Variants in DMTF1 observed in about 807,000 individuals in gnomAD.
The protein encoded by DMTF1 is cyclin D binding myb like transcription factor 1, also known as cyclin-D-binding Myb-like transcription factor 1.
Under a neutral mutation model 91.1 loss-of-function variants are expected in DMTF1, and 39 were observed. The ratio of observed to expected loss-of-function variants is 0.43; its 90% CI spans 0.33 to 0.56. DMTF1 has a LOEUF of 0.56. Among genes scored for constraint, DMTF1 ranks in the 20% least tolerant of loss-of-function variants. The probability of loss-of-function intolerance (pLI) is 0.05; values close to 1 mark genes in which losing one functional copy is unlikely to be tolerated. For missense variants in DMTF1, 750 were observed against 914.5 expected (o/e 0.82, Z 2.32); for synonymous variants, 338 against 309.5 (o/e 1.09, Z -0.97).
chr7:87,157,092 G>T (rs116064430), intron 1 of DMTF1, among the ~76,000 whole-genome samples: 1,727 of 152,146 alleles, frequency 0.011, 32 homozygotes, highest in African/African-American at 0.039. Context: ...GAACATGAAT[G>T]ATTTTTCTTA....
At chr7:87,167,881 T>G (rs865952086) in intron 4 of DMTF1, among the ~76,000 whole-genome samples, 3 of 152,370 alleles carry the variant, frequency 2.0e-5, no homozygotes, top group African/African-American at 7.2e-5. Flanking sequence ...CTAGAATTTT[T>G]GAGTGGCTAT....
At position 87,188,155 on chromosome 7, in the gene DMTF1, A is replaced by C; in HGVS notation, c.1265A>C (p.Asn422Thr). ...NQKNNPTLLE[N>T]KSGSGVPNSN... ...AAAAACAACCCAACGCTTTTGGAGA[A>C]TAAATCAGGATCTGGAGTTCCAAAC... Residue 422 changes from asparagine to threonine, a missense_variant, in exon 13 of 18, where the codon AAT becomes ACT. By Grantham distance (65) the Asn-to-Thr change is moderately conservative (BLOSUM62 0). Transcript: ENST00000331242. The C allele has an allele frequency of 6.2e-7, 1 of 1,614,006 alleles. No homozygotes were observed. Among genetic ancestry groups the C allele is most frequent in the Non-Finnish European group, 8.5e-7 (1 of 1,179,916 alleles).
At chr7:87,184,209 T>C (rs1797949362) in intron 10 of DMTF1, among the ~76,000 whole-genome samples, 188 bp from the exon 11 acceptor site, 1 of 152,210 alleles carries the variant, frequency 6.6e-6, no homozygotes, top group Admixed American at 6.5e-5. Context: ...TCTTTTCTAC[T>C]GAGACCCTTA....
At chr7:87,180,587 A>G (rs1196218729) in intron 8 of DMTF1, among the ~76,000 whole-genome samples, 1 of 152,194 alleles carries the variant, frequency 6.6e-6, no homozygotes, top group Non-Finnish European at 1.5e-5. Flanking sequence ...GATAATCTTA[A>G]TTTGTTCAGT....
At chr7:87,192,290 A>G (rs1318309408) in intron 14 of DMTF1, among the ~76,000 whole-genome samples, 3 of 152,152 alleles carry the variant, frequency 2.0e-5, no homozygotes, top group Admixed American at 6.6e-5. Context: ...CATATAAAGT[A>G]TTTAAAATAA....
chr7:87,178,645 A>G (rs1195733069), intron 7 of DMTF1, among the ~76,000 whole-genome samples: 2 of 152,084 alleles, frequency 1.3e-5, no homozygotes, highest in African/African-American at 2.4e-5. Context: ...TCAGTGTGCT[A>G]AAATATTATT....
chr7:87,173,417 C>T (rs895054505), intron 5 of DMTF1, 118 bp from the exon 6 acceptor site: 3 of 494,936 alleles, frequency 6.1e-6, no homozygotes, highest in African/African-American at 2.0e-5. Flanking sequence ...TTCCATATGA[C>T]TATATTTAAG....
rs111393300 is a variant in DMTF1, at chr7:87,175,266, C to G, written c.519+597C>G. The stretch of plus-strand genomic sequence containing the variant: ...AAACTGCTGACCTCAGGTGATCCAC[C>G]CATCTCGGCCTCCCAAAGTGTTGGT... On this transcript the variant is annotated intron_variant, in intron 7 of 17. Coordinates refer to ENST00000331242, the MANE Select transcript of DMTF1 (RefSeq NM_001142327.2). 2.6e-3 allele frequency among the ~76,000 whole-genome samples: 401 copies of G among 152,066 alleles called. 1 individual carries two copies. Among genetic ancestry groups the G allele is most frequent in the African/African-American group, 9.2e-3 (381 of 41,480 alleles).
At chr7:87,194,145 A>AGCCTCAAACCTGCAGTTTGG (rs1562864136) in intron 16 of DMTF1, 43 bp downstream of exon 16, 1 of 1,513,652 alleles carries the variant, frequency 6.6e-7, no homozygotes, top group Non-Finnish European at 8.8e-7. Context: ...TCTTGCCTTG[A>AGCCTCAAACCTGCAGTTTGG]GCCTCAAACC....
rs1208390812 is a variant in DMTF1, at chr7:87,184,613, A to G, written c.1037A>G (p.Asn346Ser). 9 of 1,613,562 alleles carry G rather than the reference A, an allele frequency of 5.6e-6. No homozygotes were observed. Among genetic ancestry groups the G allele is most frequent in the Non-Finnish European group, 6.8e-6 (8 of 1,179,680 alleles). The change falls in exon 11 of 18, where the codon AAT (asparagine) becomes AGT (serine). Residue 346 changes from asparagine (N) to serine (S), a missense_variant. Physicochemically the swap from Asn to Ser is conservative, Grantham distance 46 (BLOSUM62 1). Around this residue, in one of 3 missense-constraint regions of DMTF1, gnomAD observed 190 missense variants for 343.8 expected, o/e 0.55. Transcript: ENST00000331242. ...GAATGGACCAAGGAAGATGAAATCA[A>G]TCTCATCCTCAGGTTTGTGTCCTGA... ...GTEWTKEDEI[N>S]LILRIAELDV...
Position 87,193,178 on chromosome 7 carries a change from ATCTT to A in DMTF1, c.1495-17_1495-14del, listed in dbSNP as rs764766941. 3.7e-6 allele frequency: 6 copies of A among 1,611,926 alleles called. No homozygotes were observed. The South Asian group carries it at 5.5e-5, about 15-fold the overall frequency. ...AAGTAGACTTAATCATTGTTAAACT[ATCTT>A]TCCTTTTTCCTTTAGTCTTTCCATC... On this transcript the variant is annotated splice_polypyrimidine_tract_variant and intron_variant, in intron 14 of 17. Transcript: ENST00000331242.
At chr7:87,175,335 T>C (rs988329341) in intron 7 of DMTF1, among the ~76,000 whole-genome samples, 19 of 152,210 alleles carry the variant, frequency 1.2e-4, no homozygotes, top group African/African-American at 4.6e-4. Context: ...TATGCATCTT[T>C]GAATGAATTT....
intron 12 of DMTF1, 103 bp from the exon 13 acceptor site, chr7:87,187,989 A>G (rs553041421): frequency 1.3e-6 from 1 of 797,612 alleles, no homozygotes; most frequent in African/African-American, 1.7e-5. Flanking sequence ...GCAGTTATTT[A>G]TTCCAAATAC....
At chr7:87,184,664 A>G in intron 11 of DMTF1, 39 bp downstream of exon 11, 1 of 1,549,520 alleles carries the variant, frequency 6.5e-7, no homozygotes. Flanking sequence ...AAGCAACTTA[A>G]TTTCTGTGGA....
intron 1 of DMTF1, among the ~76,000 whole-genome samples, chr7:87,157,490 G>A (rs1339796884): frequency 1.3e-5 from 2 of 152,092 alleles, no homozygotes; most frequent in Admixed American, 6.5e-5. Flanking sequence ...TGGGAAGAAA[G>A]GTGACTTTAT....
At chr7:87,178,918 A>T (rs1489925641) in intron 7 of DMTF1, among the ~76,000 whole-genome samples, 3 of 151,756 alleles carry the variant, frequency 2.0e-5, no homozygotes, top group African/African-American at 7.3e-5. Context: ...GATTTTCTTG[A>T]TGGTCTGTGC....
At chr7:87,193,615 G>C in intron 15 of DMTF1, 110 bp from the exon 16 acceptor site, 2 of 1,107,888 alleles carry the variant, frequency 1.8e-6, no homozygotes, top group Admixed American at 5.0e-5. Flanking sequence ...GAAAAATAGT[G>C]ATAAAAGTAT....
At chr7:87,169,591 C>G (rs1322845552) in intron 4 of DMTF1, among the ~76,000 whole-genome samples, 12 of 152,190 alleles carry the variant, frequency 7.9e-5, no homozygotes. Context: ...TAAACTTACT[C>G]CAGTCAAGCT....
At position 87,166,618 on chromosome 7, in the gene DMTF1, G is replaced by A. The variant is rs181349650; in HGVS notation, c.232+13G>A. 2.8e-5 allele frequency: 44 copies of A among 1,552,294 alleles called. 1 individual carries two copies. The highest frequency in any genetic ancestry group is 7.7e-5 in the African/African-American group (5 of 65,094). ...GTTGCACTTCCACGTAAGTCACTAC[G>A]TATTAAGAGCCATAGAGTTCCCTTT... is the stretch of plus-strand genomic sequence containing the variant. On this transcript the variant is annotated intron_variant, in intron 4 of 17. Coordinates refer to ENST00000331242, the MANE Select transcript of DMTF1 (RefSeq NM_001142327.2).
Sources: allele counts gnomAD v4.1 joint callset (sites outside exome capture counted in the v4.1 genomes callset), GRCh38; gene constraint gnomAD v4.1.1; regional missense constraint gnomAD v4.1.1; transcripts MANE v1.5; gene names NCBI Gene and HGNC (gene_info 2026-07-23, HGNC 2026-07-21).